STPG2: variants seen among roughly 807,000 people sequenced by gnomAD.
STPG2 encodes sperm-tail PG-rich repeat-containing protein 2.
STPG2 carries 56 observed loss-of-function variants against 54.2 expected under a neutral mutation model. The ratio of observed to expected loss-of-function variants is 1.03; its 90% CI spans 0.83 to 1.29. STPG2 has a LOEUF of 1.29. Ranked by LOEUF, STPG2 falls within the 50% of genes most tolerant of loss-of-function variation. The probability of loss-of-function intolerance (pLI) is 0.00; values close to 1 mark genes in which losing one functional copy is unlikely to be tolerated. For synonymous variants in STPG2, 200 were observed against 181.8 expected (o/e 1.10, Z -0.81); for missense variants, 596 against 544.9 (o/e 1.09, Z -0.93).
intron 9 of STPG2, among the ~76,000 whole-genome samples, chr4:97,797,997 G>T (rs1462270589): frequency 2.6e-5 from 4 of 152,144 alleles, no homozygotes; most frequent in Non-Finnish European, 4.4e-5. Flanking sequence ...AGTATTCTCT[G>T]ATGGTAGTTT....
chr4:98,078,116 A>T (rs1281955568), intron 5 of STPG2, among the ~76,000 whole-genome samples: 3 of 152,226 alleles, frequency 2.0e-5, no homozygotes, highest in Non-Finnish European at 2.9e-5. Flanking sequence ...AAAAAGAGCA[A>T]AAGAGAACGC....
In STPG2 at chr4:98,134,329, T is replaced by C. The variant is rs13328005; in HGVS notation, c.222+18A>G. 556,634 of 1,417,702 alleles carry C rather than the reference T, an allele frequency of 0.39. 111,146 individuals carry two copies. The highest frequency in any genetic ancestry group is 0.45 in the African/African-American group (30,765 of 68,778). 87.8% of individuals were successfully genotyped at this position (1,417,702 alleles called of 1,614,324 possible). On this transcript the variant is annotated intron_variant, in intron 2 of 10. Transcript: ENST00000295268. ...AAACATGGTTTTATTAAGTCAATTATAGTAACTATAAAGTTACCTGTGCTT... is the reference window on the plus strand; with the variant it reads ...AAACATGGTTTTATTAAGTCAATTACAGTAACTATAAAGTTACCTGTGCTT...
rs148362243 is a variant in STPG2 at position 97,958,869 on chromosome 4, T to C, written c.933+13411A>G. Among the ~76,000 whole-genome samples, 1,249 of 152,266 alleles carry C rather than the reference T, an allele frequency of 8.2e-3. 7 individuals carry two copies. The highest frequency in any genetic ancestry group is 0.013 in the Non-Finnish European group (915 of 68,006). On this transcript the variant is annotated intron_variant, in intron 7 of 10. Coordinates refer to ENST00000295268, the MANE Select transcript of STPG2 (RefSeq NM_174952.3). Reference sequence around the variant, plus strand: ...GATTTAAACTATGCCCTATGACAAATGGACTTAACAGATCTTTACAGAACA... The same window carrying C: ...GATTTAAACTATGCCCTATGACAAACGGACTTAACAGATCTTTACAGAACA...
chr4:97,831,922 G>A (rs1184662473), intron 9 of STPG2, among the ~76,000 whole-genome samples: 20 of 152,146 alleles, frequency 1.3e-4, no homozygotes, highest in Admixed American at 6.5e-5. Context: ...TGGATTCACA[G>A]CCAAATTCTA....
At position 97,889,372 on chromosome 4, in the gene STPG2, G is replaced by A. The variant is rs181303723; in HGVS notation, c.1045-48440C>T. Among the ~76,000 whole-genome samples the A allele has an allele frequency of 4.0e-3, 603 of 152,202 alleles. 5 individuals carry two copies. The highest frequency in any genetic ancestry group is 0.013 in the African/African-American group (520 of 41,508). On this transcript the variant is annotated intron_variant, in intron 8 of 10. Transcript: ENST00000295268. ...GTTGATGAGATAACTATATTCCCAT[G>A]TTTATTGCCACATTATTCACAGTAG...
At chr4:98,027,966 C>T (rs1010787779) in intron 5 of STPG2, among the ~76,000 whole-genome samples, 1 of 152,170 alleles carries the variant, frequency 6.6e-6, no homozygotes, top group African/African-American at 2.4e-5. Flanking sequence ...TCTCCTACAT[C>T]TGTCATGGGA....
chr4:97,814,430 G>A (rs1201867078), intron 9 of STPG2, among the ~76,000 whole-genome samples: 1 of 152,132 alleles, frequency 6.6e-6, no homozygotes, highest in Non-Finnish European at 1.5e-5. Flanking sequence ...CCAGGTTCAA[G>A]TGATTCTCCT....
chr4:97,538,513 A>G (rs1347038023), intron 4 of STPG2, among the ~76,000 whole-genome samples: 2 of 152,196 alleles, frequency 1.3e-5, no homozygotes, highest in Admixed American at 1.3e-4. Context: ...GAAGAAATGA[A>G]CAAAGCCTCC....
At chr4:97,637,187 T>C (rs1721576626) in intron 10 of STPG2, among the ~76,000 whole-genome samples, 1 of 152,100 alleles carries the variant, frequency 6.6e-6, no homozygotes, top group Admixed American at 6.6e-5. Context: ...GCTGGTTCAA[T>C]ATATGCAAAT....
intron 5 of STPG2, among the ~76,000 whole-genome samples, chr4:97,982,344 G>A (rs1244486486): frequency 6.7e-6 from 1 of 148,268 alleles, no homozygotes; most frequent in Non-Finnish European, 1.5e-5. Context: ...TGTTTTGTCT[G>A]TTTGTCTTTC....
intron 10 of STPG2, among the ~76,000 whole-genome samples, chr4:97,649,227 G>A (rs1197204506): frequency 2.0e-5 from 3 of 152,000 alleles, no homozygotes; most frequent in Non-Finnish European, 2.9e-5. Context: ...TATAAGTCAG[G>A]TAATTATTTC....
chr4:97,878,645 T>A (rs1322730812), intron 8 of STPG2, among the ~76,000 whole-genome samples: 1 of 152,118 alleles, frequency 6.6e-6, no homozygotes, highest in South Asian at 2.1e-4. Context: ...GGTCCCTGGG[T>A]CAGGCCCATG....
Position 97,918,492 on chromosome 4 carries a change from C to T in STPG2, c.1044+25405G>A, listed in dbSNP as rs1282754106. On this transcript the variant is annotated intron_variant, in intron 8 of 10. Coordinates refer to ENST00000295268, the MANE Select transcript of STPG2 (RefSeq NM_174952.3). Reference sequence around the variant, plus strand: ...ACACACACATTGGTCACATGCTGATCCATAGGTCCATGCTGTGTATGTGTA... The same window carrying T: ...ACACACACATTGGTCACATGCTGATTCATAGGTCCATGCTGTGTATGTGTA... 2.0e-5 allele frequency among the ~76,000 whole-genome samples: 3 copies of T among 152,052 alleles called. 1 individual carries two copies. In the East Asian group the frequency reaches 5.8e-4, roughly 29 times the overall value.
chr4:97,966,060 G>C (rs555471237), intron 7 of STPG2, among the ~76,000 whole-genome samples: 3 of 152,094 alleles, frequency 2.0e-5, no homozygotes, highest in Non-Finnish European at 2.9e-5. Flanking sequence ...TCAGTAAAAA[G>C]AATCAGTAAT....
intron 8 of STPG2, among the ~76,000 whole-genome samples, chr4:97,884,385 G>A (rs572784610): frequency 6.6e-6 from 1 of 152,138 alleles, no homozygotes; most frequent in South Asian, 2.1e-4. Flanking sequence ...GTAAAGGAAG[G>A]CCCTAATCCA....
At chr4:98,135,943 A>G (rs1560695630) in intron 1 of STPG2, among the ~76,000 whole-genome samples, 1 of 151,726 alleles carries the variant, frequency 6.6e-6, no homozygotes, top group Non-Finnish European at 1.5e-5. Flanking sequence ...AAAATGAATC[A>G]TACAAATTAC....
intron 10 of STPG2, among the ~76,000 whole-genome samples, chr4:97,661,168 G>A (rs1463416442): frequency 6.6e-6 from 1 of 152,088 alleles, no homozygotes; most frequent in Non-Finnish European, 1.5e-5. Flanking sequence ...GGGTAATATA[G>A]AATCATCCTT....
intron 4 of STPG2, among the ~76,000 whole-genome samples, chr4:97,446,113 C>G (rs1385996096): frequency 1.3e-5 from 2 of 152,056 alleles, no homozygotes; most frequent in Non-Finnish European, 1.5e-5. Flanking sequence ...AGTCTACATG[C>G]TAAAATAAGA....
intron 4 of STPG2, among the ~76,000 whole-genome samples, chr4:97,475,799 G>A (rs969973492): frequency 2.6e-5 from 4 of 152,124 alleles, no homozygotes; most frequent in South Asian, 2.1e-4. Context: ...TGGAATGACC[G>A]CTGACTGCTT....
Sources: gnomAD v4.1 joint callset for allele counts (sites outside exome capture counted in the v4.1 genomes callset) on GRCh38, gnomAD v4.1.1 for gene constraint, MANE v1.5 for transcripts, NCBI Gene and HGNC (gene_info 2026-07-23, HGNC 2026-07-21) for gene names.